STAB2: variants seen among roughly 807,000 people sequenced by gnomAD.
The protein encoded by STAB2 is stabilin-2.
Under a neutral mutation model 338.1 loss-of-function variants are expected in STAB2, and 288 were observed. That is an observed-to-expected ratio of 0.85 (90% CI 0.77 to 0.94). The LOEUF (loss-of-function observed/expected upper bound fraction) is 0.94. STAB2 is among the 40% of genes least tolerant of loss of function. The pLI is 0.00. For synonymous variants in STAB2, 1,202 were observed against 1,193.3 expected (o/e 1.01, Z -0.15); for missense variants, 3,141 against 3,210.1 (o/e 0.98, Z 0.52).
chr12:103,683,545 A>C (rs979001316), intron 26 of STAB2, among the ~76,000 whole-genome samples: 6 of 152,228 alleles, frequency 3.9e-5, no homozygotes, highest in African/African-American at 1.2e-4. Flanking sequence ...AGTAAGTAAC[A>C]AACAATCTTT....
At chr12:103,673,636 A>G (rs1876043137) in intron 22 of STAB2, among the ~76,000 whole-genome samples, 1 of 152,242 alleles carries the variant, frequency 6.6e-6, no homozygotes, top group African/African-American at 2.4e-5. Flanking sequence ...GGCATGAGCC[A>G]CCATGCTCAG....
At position 103,637,126 on chromosome 12, in the gene STAB2, C is replaced by T; in HGVS notation, c.599C>T (p.Ala200Val). 1 of 1,605,998 alleles carries T rather than the reference C, an allele frequency of 6.2e-7. No homozygotes were observed. The highest frequency in any genetic ancestry group is 1.7e-5 in the Admixed American group (1 of 57,658). ...TCCTATGCAGCCATCCCTGAATGTG[C>T]AGCCTTGCTCTGCCCAGAAAATTCC... ...PKCDKPIPEC[A>V]ALLCPENSRC... Residue 200 changes from alanine to valine, a missense_variant, in exon 7 of 69, where the codon GCA becomes GTA. Ala to Val is a moderately conservative substitution (Grantham distance 64, BLOSUM62 0). Coordinates refer to ENST00000388887, the MANE Select transcript of STAB2 (RefSeq NM_017564.10).
chr12:103,637,926 T>G, intron 7 of STAB2, 90 bp from the exon 8 acceptor site: 61 of 1,337,084 alleles, frequency 4.6e-5, no homozygotes, highest in Non-Finnish European at 6.1e-5. Context: ...GAGTTGCCTT[T>G]GAGGTTTTGA....
At chr12:103,685,184 C>A (rs543370796) in intron 27 of STAB2, 100 bp downstream of exon 27, 3 of 1,140,826 alleles carry the variant, frequency 2.6e-6, no homozygotes, top group East Asian at 2.4e-5. Flanking sequence ...TCTTTTGCTG[C>A]AGGAGATTTT....
chr12:103,596,293 T>C (rs781688219), intron 3 of STAB2, among the ~76,000 whole-genome samples: 1 of 152,194 alleles, frequency 6.6e-6, no homozygotes, highest in East Asian at 1.9e-4. Context: ...ATCAGAAACA[T>C]TGAAGACAAG....
chr12:103,661,572 G>A lies in STAB2; in HGVS notation c.1869+809G>A, dbSNP rs138286857. Among the ~76,000 whole-genome samples the A allele has an allele frequency of 6.4e-3, 976 of 152,300 alleles. 7 individuals are homozygous for A. Among genetic ancestry groups the A allele is most frequent in the Non-Finnish European group, 8.8e-3 (600 of 68,034 alleles). ...AATGCATAAAATATATCATCTATTA[G>A]ACAGCAGCAAGTGCTAAGGAGAAAA... On this transcript the variant is annotated intron_variant, in intron 17 of 68. Transcript: ENST00000388887.
rs1471494028 is a variant in STAB2, at chr12:103,750,660, T to C, written c.6520T>C (p.Cys2174Arg). The change falls in exon 60 of 69, where the codon TGC becomes CGC. Residue 2174 changes from cysteine to arginine, a missense_variant. By Grantham distance (180) the Cys-to-Arg change is radical. Transcript: ENST00000388887. ...GCCGGAGCAGCTGCCCATTGACCGCTGCTTACAGGACAATGGGCAGTGCCA... is the reference window on the plus strand; with the variant it reads ...GCCGGAGCAGCTGCCCATTGACCGCCGCTTACAGGACAATGGGCAGTGCCA... The part of the protein sequence containing the change: ...CEPEQLPIDR[C>R]LQDNGQCHAD... The C allele has an allele frequency of 6.2e-7, 1 of 1,614,262 alleles. No individual in the cohort carries two copies. The highest frequency in any genetic ancestry group is 1.1e-5 in the South Asian group (1 of 91,088).
intron 3 of STAB2, among the ~76,000 whole-genome samples, chr12:103,599,272 A>T (rs1487284038): frequency 2.0e-5 from 3 of 152,226 alleles, no homozygotes; most frequent in South Asian, 2.1e-4. Context: ...AAAGAAACAG[A>T]CCAGCTGATT....
chr12:103,620,610 G>A, intron 4 of STAB2, 57 bp downstream of exon 4: 1 of 1,381,060 alleles, frequency 7.2e-7, no homozygotes, highest in Non-Finnish European at 1.0e-6. Context: ...CTTCTTACCT[G>A]TTGATCCTCC....
rs1875478482 is a variant in STAB2, at chr12:103,669,220, G to A, written c.2173-321G>A. 1.2e-5 allele frequency: 4 copies of A among 322,428 alleles called. No individual in the cohort carries two copies. In the South Asian group the frequency reaches 1.9e-4, roughly 15 times the overall value. The allele number at this position is 322,428 out of a possible 1,614,324, so 20.0% of individuals were successfully genotyped here. A position where few individuals can be genotyped will look rare whatever the true frequency, so the allele number is the denominator to read the frequency against. On this transcript the variant is annotated intron_variant, in intron 20 of 68. Transcript: ENST00000388887. ...GTTTTCCCAGCACTCACCGTTCTCT[G>A]AAATGATCTTGTTTTACTGTTTTTA...
intron 67 of STAB2, 55 bp from the exon 68 acceptor site, chr12:103,763,437 G>A (rs1884687375): frequency 9.0e-6 from 14 of 1,550,432 alleles, no homozygotes; most frequent in Non-Finnish European, 8.9e-7. Flanking sequence ...CAACTTGGCT[G>A]AGACGCTCCT....
At chr12:103,605,721 C>A (rs1156253048) in intron 3 of STAB2, among the ~76,000 whole-genome samples, 1 of 151,954 alleles carries the variant, frequency 6.6e-6, no homozygotes, top group Non-Finnish European at 1.5e-5. Flanking sequence ...AAATGAACTT[C>A]TTTATACCTG....
rs76827018 is a variant in STAB2, at chr12:103,759,221, C to A, written c.7196C>A (p.Thr2399Lys). The A allele has an allele frequency of 6.2e-7, 1 of 1,614,050 alleles. No individual in the cohort carries two copies. Among genetic ancestry groups the A allele is most frequent in the Admixed American group, 1.7e-5 (1 of 59,994 alleles). The change falls in exon 65 of 69, where the codon ACG becomes AAG. Residue 2399 changes from threonine (T) to lysine (K), a missense_variant. Thr to Lys is a moderately conservative substitution (Grantham distance 78). Coordinates refer to ENST00000388887, the MANE Select transcript of STAB2 (RefSeq NM_017564.10). ...NDLVNGTTLQ[T>K]RLGSKLLITA... ...CTTGTCAATGGCACCACCCTGCAAA[C>A]GAGGCTGGGAAGCAAGCTGCTCATC... is the stretch of plus-strand genomic sequence containing the variant.
Position 103,695,844 on chromosome 12 carries a change from A to C in STAB2, c.3582A>C (p.Leu1194=). ...NYIREKKVLS[L]EEDVLRYHVV... ...TCAGGGAGAAGAAAGTCTTGTCTCT[A>C]GTAAGTGTCAAGAACTATAACTAGG... The change falls in exon 33 of 69, where the codon CTA becomes CTC. Residue 1194 remains leucine, a splice_region_variant and synonymous_variant. Coordinates refer to ENST00000388887, the MANE Select transcript of STAB2 (RefSeq NM_017564.10). 6.2e-7 allele frequency: 1 copy of C among 1,613,500 alleles called. No individual in the cohort carries two copies. The highest frequency in any genetic ancestry group is 8.5e-7 in the Non-Finnish European group (1 of 1,179,408).
intron 18 of STAB2, among the ~76,000 whole-genome samples, chr12:103,665,176 G>A (rs1874965080): frequency 6.6e-6 from 1 of 152,192 alleles, no homozygotes; most frequent in Non-Finnish European, 1.5e-5. Flanking sequence ...GTTTTTGAGT[G>A]GGTTCATCAA....
In STAB2 at chr12:103,668,744, G is replaced by C. The variant is rs1488043851; in HGVS notation, c.2172+15G>C. 1.3e-6 allele frequency: 2 copies of C among 1,533,526 alleles called. No individual in the cohort carries two copies. The highest frequency in any genetic ancestry group is 2.5e-5 in the East Asian group (1 of 40,430). The allele number at this position is 1,533,526 out of a possible 1,614,324, so 95.0% of individuals were successfully genotyped here. A position where few individuals can be genotyped will look rare whatever the true frequency, so the allele number is the denominator to read the frequency against. Reference sequence around the variant, plus strand: ...CCACTGTGAAGGTGAGGAGCGCGTGGCCGAGGCCCAGTCTAGGCCAGTAGG... The same window carrying C: ...CCACTGTGAAGGTGAGGAGCGCGTGCCCGAGGCCCAGTCTAGGCCAGTAGG... On this transcript the variant is annotated intron_variant, in intron 20 of 68. Transcript: ENST00000388887.
At chr12:103,701,977 TACACACACACAC>T (rs71097990) in intron 34 of STAB2, among the ~76,000 whole-genome samples, 2,739 of 143,998 alleles carry the variant, frequency 0.019, 50 homozygotes, top group African/African-American at 0.049. Flanking sequence ...TCAGCCCTGC[TACACACACACAC>T]ACACACACAC....
chr12:103,735,904 A>G (rs1017495681), intron 52 of STAB2, among the ~76,000 whole-genome samples: 3 of 152,158 alleles, frequency 2.0e-5, no homozygotes, highest in Admixed American at 2.0e-4. Context: ...GAAAGTATAC[A>G]GTCATTCCTT....
Position 103,622,116 on chromosome 12 carries a change from G to A in STAB2, c.487+5G>A. 6.2e-7 allele frequency: 1 copy of A among 1,614,172 alleles called. No homozygotes were observed. On this transcript the variant is annotated splice_donor_5th_base_variant and intron_variant, in intron 5 of 68. Transcript: ENST00000388887. ...TTGGACCCAGCTGTTCATCAGGTAT[G>A]TCTGATTTTTGTGTAATCACCACAT...
Sources: gnomAD v4.1 joint callset for allele counts (sites outside exome capture counted in the v4.1 genomes callset) on GRCh38, gnomAD v4.1.1 for gene constraint, MANE v1.5 for transcripts, NCBI Gene and HGNC (gene_info 2026-07-23, HGNC 2026-07-21) for gene names.